Variants in XKR4 observed in about 807,000 individuals in gnomAD.
XKR4 encodes the protein XK related 4, also known as XK-related protein 4.
XKR4 carries 12 observed loss-of-function variants against 53.9 expected under a neutral mutation model. That is an observed-to-expected ratio of 0.22 (90% CI 0.14 to 0.36). The LOEUF is 0.36. Among genes scored for constraint, XKR4 ranks in the 10% least tolerant of loss-of-function variants. The pLI is 1.00. For synonymous variants in XKR4, 354 were observed against 362.4 expected (o/e 0.98, Z 0.26); for missense variants, 799 against 859.5 (o/e 0.93, Z 0.88).
At chr8:55,154,372 A>G (rs2129356070) in intron 1 of XKR4, among the ~76,000 whole-genome samples, 1 of 152,334 alleles carries the variant, frequency 6.6e-6, no homozygotes, top group Middle Eastern at 3.4e-3. Flanking sequence ...CTTTCCATAT[A>G]ATATCAATCA....
chr8:55,466,473 CG>C (rs978421536), intron 2 of XKR4, among the ~76,000 whole-genome samples: 14 of 151,772 alleles, frequency 9.2e-5, no homozygotes, highest in Admixed American at 6.6e-4. Flanking sequence ...CATCTCACAC[CG>C]GGGACTGTTA....
At chr8:55,272,846 A>G in intron 1 of XKR4, 1 of 430,154 alleles carries the variant, frequency 2.3e-6, no homozygotes, top group South Asian at 1.7e-5. Context: ...GTTTTAGAGT[A>G]AATTTTAATT....
At chr8:55,476,117 G>C (rs1269727924) in intron 2 of XKR4, among the ~76,000 whole-genome samples, 1 of 152,036 alleles carries the variant, frequency 6.6e-6, no homozygotes, top group Non-Finnish European at 1.5e-5. Context: ...ATCACTCACA[G>C]ACAGTCTAAT....
chr8:55,362,981 C>T (rs1387158052), intron 2 of XKR4, among the ~76,000 whole-genome samples: 1 of 152,224 alleles, frequency 6.6e-6, no homozygotes, highest in East Asian at 1.9e-4. Context: ...CCTGGCTGCA[C>T]AGGGGAAACA....
intron 1 of XKR4, among the ~76,000 whole-genome samples, chr8:55,322,353 A>G (rs1368808970): frequency 1.3e-5 from 2 of 152,144 alleles, no homozygotes; most frequent in African/African-American, 4.8e-5. Context: ...TGAATGTGTC[A>G]TCATTATGAT....
At chr8:55,479,951 C>T in intron 2 of XKR4, among the ~76,000 whole-genome samples, 1 of 152,206 alleles carries the variant, frequency 6.6e-6, no homozygotes, top group Non-Finnish European at 1.5e-5. Flanking sequence ...GACGGATTCA[C>T]TGCCGAATTT....
Position 55,523,269 on chromosome 8 carries a change from T to C in XKR4, c.1007-12T>C, listed in dbSNP as rs763814319. On this transcript the variant is annotated splice_polypyrimidine_tract_variant and intron_variant, in intron 2 of 2. Transcript: ENST00000327381. ...GATTTCTGACACACTGTCTTCCTGT[T>C]TGCCTTTGTAGGTTTCACAGCGGCA... is the stretch of plus-strand genomic sequence containing the variant. 9 of 1,578,594 alleles carry C rather than the reference T, an allele frequency of 5.7e-6. No homozygotes were observed. Among genetic ancestry groups the C allele is most frequent in the Non-Finnish European group, 7.7e-6 (9 of 1,161,410 alleles).
Position 55,144,710 on chromosome 8 carries a change from C to T in XKR4, c.806+41416C>T, listed in dbSNP as rs568860028. On this transcript the variant is annotated intron_variant, in intron 1 of 2. Coordinates refer to ENST00000327381, the MANE Select transcript of XKR4 (RefSeq NM_052898.2). ...GTGGTTCTCGAGCTGCCTGTTTGAGCTCTGCCCTGTGTAAGATGCCTTAAA... is the reference window on the plus strand; with the variant it reads ...GTGGTTCTCGAGCTGCCTGTTTGAGTTCTGCCCTGTGTAAGATGCCTTAAA... 1.2e-4 allele frequency among the ~76,000 whole-genome samples: 19 copies of T among 152,228 alleles called. 1 individual carries two copies. The highest frequency in any genetic ancestry group is 2.6e-4 in the Non-Finnish European group (18 of 68,004).
Position 55,533,300 on chromosome 8 carries a change from T to C in XKR4, c.*9073T>C. The stretch of plus-strand genomic sequence containing the variant: ...TGTGATTTTTTTTATTCTATTCAAA[T>C]TGGGAGCAATAACACACCTTAACAT... On this transcript the variant is annotated 3_prime_UTR_variant, in exon 3 of 3. Transcript: ENST00000327381. 1 of 152,158 alleles carries C rather than the reference T, an allele frequency of 6.6e-6. No individual in the cohort carries two copies. The highest frequency in any genetic ancestry group is 1.9e-4 in the East Asian group (1 of 5,202). The allele number at this position is 152,158 out of a possible 1,614,324, so 9.4% of individuals were successfully genotyped here.
At chr8:55,473,914 CTTCT>C (rs1399540823) in intron 2 of XKR4, among the ~76,000 whole-genome samples, 5 of 149,894 alleles carry the variant, frequency 3.3e-5, no homozygotes, top group Non-Finnish European at 5.9e-5. Context: ...TCTGTCTTTC[CTTCT>C]TTCTTTCAAT....
chr8:55,127,849 C>T (rs532247887), intron 1 of XKR4, among the ~76,000 whole-genome samples: 31 of 151,064 alleles, frequency 2.1e-4, no homozygotes, highest in Non-Finnish European at 3.2e-4. Context: ...TCTGTCCTTG[C>T]GATAGTTTGC....
chr8:55,102,885 G>A lies in XKR4; in HGVS notation c.397G>A (p.Ala133Thr), dbSNP rs1469524803. The A allele has an allele frequency of 3.7e-6, 6 of 1,611,990 alleles. No homozygotes were observed. Among genetic ancestry groups the A allele is most frequent in the Non-Finnish European group, 5.1e-6 (6 of 1,179,940 alleles). ...FADVGTDVWL[A>T]VDYYLRGQRW... Reference sequence around the variant, plus strand: ...GGACGTGGGCACAGACGTCTGGCTCGCCGTGGACTACTACCTGCGCGGCCA... The same window carrying A: ...GGACGTGGGCACAGACGTCTGGCTCACCGTGGACTACTACCTGCGCGGCCA... The change falls in exon 1 of 3, where the codon GCC (alanine) becomes ACC (threonine). Residue 133 changes from alanine to threonine, a missense_variant. Physicochemically the swap from Ala to Thr is moderately conservative, Grantham distance 58 (BLOSUM62 0). This residue lies in a region of XKR4 where 476 missense variants were observed against 505.4 expected (regional missense o/e 0.94). Coordinates refer to ENST00000327381, the MANE Select transcript of XKR4 (RefSeq NM_052898.2). This position sits in a 1 kb window ranked among gnomAD's most constrained non-coding sequence, Gnocchi z 5.1.
chr8:55,126,922 T>G (rs891767452), intron 1 of XKR4, among the ~76,000 whole-genome samples: 2 of 152,242 alleles, frequency 1.3e-5, no homozygotes, highest in Non-Finnish European at 2.9e-5. Flanking sequence ...TCAAAAAATC[T>G]TAAACAGGAA....
At chr8:55,182,564 A>G (rs1211973872) in intron 1 of XKR4, among the ~76,000 whole-genome samples, 1 of 152,122 alleles carries the variant, frequency 6.6e-6, no homozygotes, top group African/African-American at 2.4e-5. Context: ...CCATTTCTTA[A>G]TTGAATTGCT....
At chr8:55,379,726 T>C (rs1032008498) in intron 2 of XKR4, among the ~76,000 whole-genome samples, 8 of 152,198 alleles carry the variant, frequency 5.3e-5, no homozygotes, top group Non-Finnish European at 1.0e-4. Flanking sequence ...CAGGATGCAC[T>C]TTGTTTGGCC....
intron 1 of XKR4, among the ~76,000 whole-genome samples, chr8:55,154,607 A>T (rs1816881097): frequency 6.6e-6 from 1 of 152,158 alleles, no homozygotes; most frequent in Non-Finnish European, 1.5e-5. Flanking sequence ...TGGGCTTTAG[A>T]CTTTGACAAC....
chr8:55,310,275 T>C (rs1048428872), intron 1 of XKR4, among the ~76,000 whole-genome samples: 1 of 152,214 alleles, frequency 6.6e-6, no homozygotes, highest in Non-Finnish European at 1.5e-5. Flanking sequence ...TGGTCTTTGG[T>C]AGAATGGGCT....
chr8:55,329,579 G>A (rs117327115), intron 1 of XKR4, among the ~76,000 whole-genome samples: 10,741 of 152,182 alleles, frequency 0.071, 514 homozygotes, highest in Non-Finnish European at 0.11. Context: ...AATCACATTT[G>A]ACATGTCTTA....
intron 1 of XKR4, among the ~76,000 whole-genome samples, chr8:55,288,095 A>T (rs1290312265): frequency 1.3e-5 from 2 of 152,154 alleles, no homozygotes; most frequent in Non-Finnish European, 2.9e-5. Context: ...TGTATTTTAT[A>T]TGTGGCCCAA....
Sources: gnomAD v4.1 joint callset for allele counts (sites outside exome capture counted in the v4.1 genomes callset) on GRCh38, gnomAD v4.1.1 for gene constraint, gnomAD v4.1.1 regional missense constraint, Gnocchi (gnomAD v3.1) non-coding constraint, MANE v1.5 for transcripts, NCBI Gene and HGNC (gene_info 2026-07-23, HGNC 2026-07-21) for gene names.